The following SVOPL variants were observed in gnomAD, a reference collection of about 807,000 sequenced individuals.
SVOPL encodes the protein putative transporter SVOPL.
A neutral mutation model predicts 61.0 loss-of-function variants in SVOPL; 60 were observed. The observed-to-expected ratio is 0.98, with a 90% confidence interval of 0.80 to 1.22. SVOPL has a LOEUF of 1.22. Among genes scored for constraint, SVOPL ranks in the 50% most tolerant of loss-of-function variants. The pLI is 0.00. For synonymous variants in SVOPL, 279 were observed against 250.0 expected, an observed-to-expected ratio of 1.12 and a Z score of -1.09; for missense variants, 662 against 643.9, an observed-to-expected ratio of 1.03 and a Z score of -0.30.
chr7:138,662,195 C>T (rs1186727021), intron 5 of SVOPL: 9 of 985,382 alleles, frequency 9.1e-6, no homozygotes, highest in Non-Finnish European at 1.1e-5. Flanking sequence ...TCTGCCTCTG[C>T]CTCATAGCAG....
intron 9 of SVOPL, among the ~76,000 whole-genome samples, chr7:138,641,836 C>T (rs961190168): frequency 0.071 from 2,134 of 29,892 alleles, 35 homozygotes; most frequent in East Asian, 0.25. Flanking sequence ...ATATATATAA[C>T]ATATATATAT....
chr7:138,641,571 T>C (rs1170924648), intron 9 of SVOPL, among the ~76,000 whole-genome samples: 1 of 148,346 alleles, frequency 6.7e-6, no homozygotes, highest in African/African-American at 2.5e-5. Flanking sequence ...CTCAGGAAGC[T>C]GAGACTGGAG....
chr7:138,688,420 C>A (rs558505956), intron 1 of SVOPL, among the ~76,000 whole-genome samples: 1 of 152,134 alleles, frequency 6.6e-6, no homozygotes, highest in Admixed American at 6.5e-5. Flanking sequence ...CAGGCATGCA[C>A]CACCACACTC....
intron 4 of SVOPL, among the ~76,000 whole-genome samples, chr7:138,669,596 A>T (rs564566646): frequency 3.0e-4 from 46 of 152,232 alleles, no homozygotes; most frequent in African/African-American, 1.1e-3. Context: ...ATAACAGAAC[A>T]ACCTTTGTTC....
intron 14 of SVOPL, 107 bp downstream of exon 14, chr7:138,620,939 A>G: frequency 9.6e-7 from 1 of 1,042,148 alleles, no homozygotes; most frequent in Non-Finnish European, 1.4e-6. Context: ...CAGAAAACTC[A>G]TGAAGTCAAC....
chr7:138,626,851 G>A (rs371644842), intron 12 of SVOPL, among the ~76,000 whole-genome samples: 13 of 148,550 alleles, frequency 8.8e-5, no homozygotes, highest in Non-Finnish European at 1.0e-4. Flanking sequence ...CTGTCTCAAA[G>A]AAAAAAAAAA....
chr7:138,614,311 A>C (rs1376178840), intron 14 of SVOPL, among the ~76,000 whole-genome samples: 3 of 152,086 alleles, frequency 2.0e-5, no homozygotes, highest in African/African-American at 4.8e-5. Context: ...GAATGATTTC[A>C]GCTAGAAAAA....
At chr7:138,639,678 A>C (rs1387238950) in intron 9 of SVOPL, among the ~76,000 whole-genome samples, 1 of 151,916 alleles carries the variant, frequency 6.6e-6, no homozygotes, top group African/African-American at 2.4e-5. Context: ...GGAAGGGGGA[A>C]AAAAATCACC....
Position 138,655,411 on chromosome 7 carries a change from AG to A in SVOPL, c.534+1036del, listed in dbSNP as rs1430038757. Among the ~76,000 whole-genome samples, 3 of 151,980 alleles carry A rather than the reference AG, an allele frequency of 2.0e-5. No individual in the cohort carries two copies. In the East Asian group the frequency reaches 5.8e-4, roughly 29 times the overall value. The stretch of plus-strand genomic sequence containing the variant: ...TTCCAGCTACTTGGGAGGTTGAGGC[AG>A]GAGAATCACTTGAACCCAGGAGGCA... On this transcript the variant is annotated intron_variant, in intron 7 of 15. Transcript: ENST00000674285.
At chr7:138,658,947 C>A (rs1801875947) in intron 6 of SVOPL, among the ~76,000 whole-genome samples, 1 of 149,892 alleles carries the variant, frequency 6.7e-6, no homozygotes, top group South Asian at 2.2e-4. Flanking sequence ...CCAGGGCACT[C>A]TAAAATTTAA....
intron 14 of SVOPL, among the ~76,000 whole-genome samples, chr7:138,610,531 A>G (rs1817955697): frequency 6.6e-6 from 1 of 152,216 alleles, no homozygotes; most frequent in Admixed American, 6.5e-5. Flanking sequence ...AGGATGGAAG[A>G]AAAAAAATCA....
At chr7:138,614,993 C>T (rs937731883) in intron 14 of SVOPL, among the ~76,000 whole-genome samples, 3 of 152,140 alleles carry the variant, frequency 2.0e-5, no homozygotes, top group Non-Finnish European at 4.4e-5. Flanking sequence ...AGCCGCACAC[C>T]GTGAGGCTGT....
intron 9 of SVOPL, among the ~76,000 whole-genome samples, chr7:138,631,826 C>T (rs1800206179): frequency 6.6e-6 from 1 of 152,096 alleles, no homozygotes; most frequent in African/African-American, 2.4e-5. Flanking sequence ...GCCTTGGCCT[C>T]CCAAAGTGCT....
chr7:138,691,588 T>C (rs946061332), intron 1 of SVOPL, among the ~76,000 whole-genome samples: 1 of 152,190 alleles, frequency 6.6e-6, no homozygotes, highest in Non-Finnish European at 1.5e-5. Flanking sequence ...TCACCCAGGC[T>C]GGAGTGCGAT....
At chr7:138,656,583 T>G in intron 6 of SVOPL, 72 bp from the exon 7 acceptor site, 1 of 1,526,882 alleles carries the variant, frequency 6.5e-7, no homozygotes, top group Non-Finnish European at 9.0e-7. Flanking sequence ...ATAATCAGTT[T>G]TTCTTGTCAC....
rs757982706 is a variant in SVOPL at position 138,659,927 on chromosome 7, G to A, written c.407C>T (p.Ser136Leu). 77 of 1,551,434 alleles carry A rather than the reference G, an allele frequency of 5.0e-5. No individual in the cohort carries two copies. In the Admixed American group the frequency reaches 8.6e-4, roughly 17 times the overall value. Residue 136 changes from serine (S) to leucine (L), a missense_variant, in exon 6 of 16, where the codon TCG (serine) becomes TTG (leucine). Transcript: ENST00000674285. ...CCGCAGGAAGACAAACCAGATGTACGAAGGAGCAAACGAGGTCAGCAAGGA... is the reference window on the plus strand; with the variant it reads ...CCGCAGGAAGACAAACCAGATGTACAAAGGAGCAAACGAGGTCAGCAAGGA... ...YFSLLTSFAP[S>L]YIWFVFLRTM...
At chr7:138,685,381 T>C (rs1039248912) in intron 1 of SVOPL, among the ~76,000 whole-genome samples, 13 of 152,232 alleles carry the variant, frequency 8.5e-5, no homozygotes, top group African/African-American at 2.9e-4. Context: ...GAATCTAGAA[T>C]AGTCAAAGTC....
chr7:138,658,211 A>T (rs978906365), intron 6 of SVOPL, among the ~76,000 whole-genome samples: 7 of 152,126 alleles, frequency 4.6e-5, no homozygotes, highest in Non-Finnish European at 1.0e-4. Flanking sequence ...AATGCAGCCC[A>T]GCAAGTCTCA....
rs1225039239 is a variant in SVOPL at position 138,662,932 on chromosome 7, G to A, written c.345+142C>T. ...AATGTCCAGAAGATAAGCCTGGAAT[G>A]TTCCATCAGGGAGGGAAATGTCTGC... On this transcript the variant is annotated intron_variant, in intron 5 of 15. Coordinates refer to ENST00000674285, the MANE Select transcript of SVOPL (RefSeq NM_001139456.2). 8 of 1,482,642 alleles carry A rather than the reference G, an allele frequency of 5.4e-6. No homozygotes were observed. In the Admixed American group the frequency reaches 1.4e-4, roughly 27 times the overall value. The allele number at this position is 1,482,642 out of a possible 1,614,324, so 91.8% of individuals were successfully genotyped here. A position where few individuals can be genotyped will look rare whatever the true frequency, so the allele number is the denominator to read the frequency against.
Sources: allele counts gnomAD v4.1 joint callset (sites outside exome capture counted in the v4.1 genomes callset), GRCh38; gene constraint gnomAD v4.1.1; transcripts MANE v1.5; gene names NCBI Gene and HGNC (gene_info 2026-07-23, HGNC 2026-07-21).